AVEN: variants seen among roughly 807,000 people sequenced by gnomAD.
AVEN encodes the protein apoptosis and caspase activation inhibitor, also known as cell death regulator Aven.
AVEN carries 41 observed loss-of-function variants against 38.1 expected under a neutral mutation model. The observed-to-expected ratio is 1.08, with a 90% CI of 0.84 to 1.40. AVEN has a LOEUF of 1.40. Ranked by LOEUF, AVEN falls within the 40% of genes most tolerant of loss-of-function variation. The pLI is 0.00. For synonymous variants in AVEN, 206 were observed against 171.8 expected, an observed-to-expected ratio of 1.20 and a Z score of -1.56; for missense variants, 605 against 438.8, an observed-to-expected ratio of 1.38 and a Z score of -3.38.
exon 12 of AVEN, chr15:33,858,868 C>T (rs1006661821): frequency 6.6e-6 from 1 of 152,462 alleles, no homozygotes; most frequent in African/African-American, 2.4e-5. Flanking sequence ...AAAGAGGTAA[C>T]ACTTCTTGAC....
chr15:33,957,127 T>C (rs1302269704), intron 2 of AVEN, among the ~76,000 whole-genome samples: 3 of 152,264 alleles, frequency 2.0e-5, no homozygotes, highest in African/African-American at 7.2e-5. Flanking sequence ...GGGAGCCACG[T>C]GCCCTTCTAT....
intron 1 of AVEN, among the ~76,000 whole-genome samples, chr15:34,032,776 C>G (rs1342829159): frequency 6.6e-6 from 1 of 152,166 alleles, no homozygotes; most frequent in Non-Finnish European, 1.5e-5. Context: ...CATTCTCAAT[C>G]TGGCTGTATT....
intron 5 of AVEN, among the ~76,000 whole-genome samples, chr15:34,052,713 A>C (rs1364681147): frequency 6.6e-6 from 1 of 152,224 alleles, no homozygotes; most frequent in Non-Finnish European, 1.5e-5. Context: ...AGGAAAGCAC[A>C]GAGCCAAATC....
chr15:33,926,000 A>G (rs1398593529), intron 2 of AVEN, among the ~76,000 whole-genome samples: 1 of 152,146 alleles, frequency 6.6e-6, no homozygotes, highest in African/African-American at 2.4e-5. Flanking sequence ...GCAACCATGT[A>G]TGTGCTGTTT....
At chr15:34,059,016 C>T (rs745819650) in intron 5 of AVEN, among the ~76,000 whole-genome samples, 2 of 152,194 alleles carry the variant, frequency 1.3e-5, no homozygotes, top group African/African-American at 4.8e-5. Flanking sequence ...CCTGCCTCAA[C>T]CTCCCAAGTA....
chr15:33,864,983 G>C (rs903729079), downstream of AVEN: 11 of 601,356 alleles, frequency 1.8e-5, no homozygotes, highest in Admixed American at 1.2e-4. Flanking sequence ...AGCCTGTGCT[G>C]GGAATAGAGC....
intron 11 of AVEN, chr15:33,860,773 A>G: frequency 1.2e-6 from 1 of 858,982 alleles, no homozygotes; most frequent in Non-Finnish European, 1.8e-6. Context: ...GCAAGAACGC[A>G]GTTTGTTTTC....
At chr15:33,889,436 G>A (rs2153040044) in intron 2 of AVEN, among the ~76,000 whole-genome samples, 1 of 152,234 alleles carries the variant, frequency 6.6e-6, no homozygotes, top group African/African-American at 2.4e-5. Context: ...CACACTATGA[G>A]CTTAGCTGAA....
At chr15:34,061,542 T>C (rs1479914228) in intron 5 of AVEN, among the ~76,000 whole-genome samples, 2 of 152,200 alleles carry the variant, frequency 1.3e-5, no homozygotes, top group African/African-American at 2.4e-5. Context: ...AGTATATGCA[T>C]ATGGGAAAAT....
chr15:33,866,375 ATCTCCTGCCCTTAAGGAAAT>A lies in AVEN; in HGVS notation c.*218_*237del. On this transcript the variant is annotated 3_prime_UTR_variant, in exon 6 of 6. Coordinates refer to ENST00000306730, the MANE Select transcript of AVEN (RefSeq NM_020371.3). ...AGGCTAGAAACAAGGGCCAGAGTCT[ATCTCCTGCCCTTAAGGAAAT>A]CTATTAGATTACTAAGCCAGAAAAA... is the stretch of plus-strand genomic sequence containing the variant. 1.8e-6 allele frequency: 1 copy of A among 549,184 alleles called. No individual in the cohort carries two copies. 34.0% of individuals were successfully genotyped at this position (549,184 alleles called of 1,614,324 possible).
chr15:33,967,044 A>G (rs1333267152), intron 2 of AVEN, among the ~76,000 whole-genome samples: 4 of 152,160 alleles, frequency 2.6e-5, no homozygotes, highest in African/African-American at 9.6e-5. Context: ...AGAAGTGACC[A>G]GTATATAATG....
intron 2 of AVEN, among the ~76,000 whole-genome samples, chr15:33,878,287 T>A (rs1891335973): frequency 6.6e-6 from 1 of 152,028 alleles, no homozygotes; most frequent in Non-Finnish European, 1.5e-5. Context: ...TATTCAAAAG[T>A]CTCAATAAAT....
At chr15:33,854,669 C>A, downstream of AVEN, 1 of 1,473,896 alleles carries the variant, frequency 6.8e-7, no homozygotes, top group Admixed American at 2.1e-5. Context: ...TAAACCCCCT[C>A]TATCCTCAGT....
At chr15:34,037,224 T>A (rs980354775) in intron 1 of AVEN, among the ~76,000 whole-genome samples, 9 of 152,114 alleles carry the variant, frequency 5.9e-5, no homozygotes, top group African/African-American at 2.2e-4. Context: ...ATTAGTAAAG[T>A]CCTGTGCGCC....
chr15:34,063,194 C>T lies in AVEN; in HGVS notation n.1365G>A, dbSNP rs776670487. The T allele has an allele frequency of 1.9e-6, 3 of 1,614,106 alleles. No individual in the cohort carries two copies. The African/African-American group carries it at 4.0e-5, about 22-fold the overall frequency. On this transcript the variant is annotated non_coding_transcript_exon_variant, in exon 5 of 12. Transcript: ENST00000675287. The surrounding 1 kb of genome is among the most constrained non-coding windows in gnomAD (Gnocchi z 4.1). Reference sequence around the variant, plus strand: ...TTGGCTTGGCCTGGCTGATCTCCTTCATCCTCTGGGCCCCAGCAATCCTCT... The same window carrying T: ...TTGGCTTGGCCTGGCTGATCTCCTTTATCCTCTGGGCCCCAGCAATCCTCT...
Position 33,917,447 on chromosome 15 carries a change from TAC to T in AVEN, c.446-41454_446-41453del, listed in dbSNP as rs1332793070. Reference sequence around the variant, plus strand: ...CACACTATATATATACACACATATATACACACACACATATATATACACATACA... The same window carrying T: ...CACACTATATATATACACACATATATACACACACATATATATACACATACA... On this transcript the variant is annotated intron_variant, in intron 2 of 5. Coordinates refer to ENST00000306730, the MANE Select transcript of AVEN (RefSeq NM_020371.3). Among the ~76,000 whole-genome samples, 41 of 147,924 alleles carry T rather than the reference TAC, an allele frequency of 2.8e-4. 1 individual carries two copies. Among genetic ancestry groups the T allele is most frequent in the Admixed American group, 2.1e-3 (31 of 14,638 alleles).
At chr15:33,886,860 T>C (rs116747531) in intron 2 of AVEN, among the ~76,000 whole-genome samples, 3,020 of 152,312 alleles carry the variant, frequency 0.02, 65 homozygotes, top group African/African-American at 0.061. Flanking sequence ...GCTCCCCCTA[T>C]TGCTCTGCCA....
chr15:33,912,575 T>C (rs1276066853), intron 2 of AVEN, among the ~76,000 whole-genome samples: 48 of 152,200 alleles, frequency 3.2e-4, no homozygotes, highest in Admixed American at 3.1e-3. Flanking sequence ...TGTAACTTAA[T>C]CCCTCTCAAA....
rs1197135322 is a variant in AVEN, at chr15:34,051,220, A to G, written n.1637+11702T>C. Among the ~76,000 whole-genome samples, 3 of 152,242 alleles carry G rather than the reference A, an allele frequency of 2.0e-5. No individual in the cohort carries two copies. The South Asian group carries it at 6.2e-4, about 31-fold the overall frequency. ...CTCACAACCACACAACTACATGGAAACTGAACAACCTACTCCTGAATGACT... is the reference window on the plus strand; with the variant it reads ...CTCACAACCACACAACTACATGGAAGCTGAACAACCTACTCCTGAATGACT... On this transcript the variant is annotated intron_variant and non_coding_transcript_variant, in intron 5 of 11. Transcript: ENST00000675287.
Sources: gnomAD v4.1 joint callset for allele counts (sites outside exome capture counted in the v4.1 genomes callset) on GRCh38, gnomAD v4.1.1 for gene constraint, Gnocchi (gnomAD v3.1) non-coding constraint, MANE v1.5 for transcripts, NCBI Gene and HGNC (gene_info 2026-07-23, HGNC 2026-07-21) for gene names.